The following SV2B variants were observed in gnomAD, a reference collection of about 807,000 sequenced individuals.
The protein encoded by SV2B is synaptic vesicle glycoprotein 2B, also known as solute carrier family 22 member B2.
A neutral mutation model predicts 73.9 loss-of-function variants in SV2B; 41 were observed. The observed-to-expected ratio is 0.56, with a 90% CI of 0.43 to 0.72. The LOEUF is 0.72. SV2B is among the 30% of genes least tolerant of loss of function. The pLI is 0.00. For synonymous variants in SV2B, 314 were observed against 314.2 expected, an observed-to-expected ratio of 1.00 and a Z score of 0.01; for missense variants, 764 against 857.8, an observed-to-expected ratio of 0.89 and a Z score of 1.37.
In SV2B at chr15:91,227,508, A is replaced by G. The variant is rs1596628295; in HGVS notation, c.451+794A>G. ...CCTGAAAAATGTATCTACCCTCTAAATTTAGAGTCTATGAAATTAATTGTG... is the reference window on the plus strand; with the variant it reads ...CCTGAAAAATGTATCTACCCTCTAAGTTTAGAGTCTATGAAATTAATTGTG... On this transcript the variant is annotated intron_variant, in intron 2 of 12. Coordinates refer to ENST00000394232, the MANE Select transcript of SV2B (RefSeq NM_001323032.3). The surrounding 1 kb of genome is among the most constrained non-coding windows in gnomAD (Gnocchi z 4.5). Among the ~76,000 whole-genome samples the G allele has an allele frequency of 6.6e-6, 1 of 152,196 alleles. No homozygotes were observed. The highest frequency in any genetic ancestry group is 6.5e-5 in the Admixed American group (1 of 15,292).
At chr15:91,154,995 C>A (rs181947607) in intron 1 of SV2B, among the ~76,000 whole-genome samples, 1 of 152,194 alleles carries the variant, frequency 6.6e-6, no homozygotes, top group Admixed American at 6.5e-5. Context: ...GAGGTCTCTG[C>A]CTTTCTGTGC....
Position 91,234,285 on chromosome 15 carries a change from G to T in SV2B, c.451+7571G>T, listed in dbSNP as rs760447872. On this transcript the variant is annotated intron_variant, in intron 2 of 12. Transcript: ENST00000394232. The surrounding 1 kb of genome is among the most constrained non-coding windows in gnomAD (Gnocchi z 5.6). ...TTTACCATGACTATGTGAGTTTTTT[G>T]AGGGGATCCTCAGTGTTCTTAAAGA... 9.2e-5 allele frequency among the ~76,000 whole-genome samples: 14 copies of T among 152,200 alleles called. No individual in the cohort carries two copies. The highest frequency in any genetic ancestry group is 1.7e-4 in the African/African-American group (7 of 41,458).
At position 91,289,630 on chromosome 15, in the gene SV2B, C is replaced by A; in HGVS notation, c.1818C>A (p.Ala606=). 6.2e-7 allele frequency: 1 copy of A among 1,614,118 alleles called. No homozygotes were observed. The highest frequency in any genetic ancestry group is 1.1e-5 in the South Asian group (1 of 91,080). ...TGTTCTGTGGGACAAGCATTGCAGC[C>A]TGGAATGCTCTGGATGTGATCACAG... ...QCLFCGTSIA[A]WNALDVITVE... The change falls in exon 12 of 13, where the codon GCC becomes GCA. Residue 606 remains alanine (A), a synonymous_variant. Transcript: ENST00000394232. This position sits in a 1 kb window ranked among gnomAD's most constrained non-coding sequence, Gnocchi z 4.9.
chr15:91,110,997 G>T lies in SV2B; in HGVS notation c.-392+10634G>T, dbSNP rs1317313204. 4.6e-5 allele frequency among the ~76,000 whole-genome samples: 7 copies of T among 152,162 alleles called. No individual in the cohort carries two copies. The highest frequency in any genetic ancestry group is 1.7e-4 in the African/African-American group (7 of 41,440). On this transcript the variant is annotated intron_variant, in intron 1 of 12. Transcript: ENST00000394232. The surrounding 1 kb of genome is among the most constrained non-coding windows in gnomAD (Gnocchi z 5.4). ...GATGAGAAAGGGTATATGAAAACAC[G>T]GTGGGGTGCTGAGCCAGCTTCTCCT... is the stretch of plus-strand genomic sequence containing the variant.
intron 6 of SV2B, among the ~76,000 whole-genome samples, chr15:91,263,355 C>A (rs1390669858): frequency 6.6e-6 from 1 of 151,870 alleles, no homozygotes; most frequent in Non-Finnish European, 1.5e-5. Context: ...TGAAGACAGA[C>A]ACACAGACAC....
chr15:91,165,279 C>T (rs756287906), intron 1 of SV2B, among the ~76,000 whole-genome samples: 5 of 152,018 alleles, frequency 3.3e-5, no homozygotes, highest in Admixed American at 6.6e-5. Flanking sequence ...TGCAGTGAGC[C>T]GAGATCGCAT....
chr15:91,131,169 A>G (rs1377120912), intron 1 of SV2B, among the ~76,000 whole-genome samples: 1 of 92,346 alleles, frequency 1.1e-5, no homozygotes, highest in African/African-American at 4.2e-5. Context: ...TTTTTTTTTT[A>G]AATAGAGACA....
At chr15:91,161,916 C>T (rs376698983) in intron 1 of SV2B, among the ~76,000 whole-genome samples, 2 of 152,324 alleles carry the variant, frequency 1.3e-5, no homozygotes, top group South Asian at 4.1e-4. Context: ...TGAATCTTTT[C>T]ATTATGCAGA....
chr15:91,205,946 T>C (rs1758640673), intron 1 of SV2B, among the ~76,000 whole-genome samples: 1 of 152,216 alleles, frequency 6.6e-6, no homozygotes, highest in African/African-American at 2.4e-5. Flanking sequence ...ACTTTTCCCC[T>C]TGGCATGATA....
intron 1 of SV2B, among the ~76,000 whole-genome samples, chr15:91,116,495 C>T (rs980466629): frequency 6.6e-6 from 1 of 152,114 alleles, no homozygotes; most frequent in Admixed American, 6.5e-5. Context: ...CTCTGCATCC[C>T]GTGCAGAACG....
At position 91,301,372 on chromosome 15, in the gene SV2B, T is replaced by C. The variant is rs2049439137; in HGVS notation, c.*8820T>C. On this transcript the variant is annotated 3_prime_UTR_variant, in exon 13 of 13. Transcript: ENST00000394232. This position sits in a 1 kb window ranked among gnomAD's most constrained non-coding sequence, Gnocchi z 4.3. ...ATCTCTCCCTTCAGATGTTTTTCCATCTGACTGTCACTGGATAGTGGAATT... is the reference window on the plus strand; with the variant it reads ...ATCTCTCCCTTCAGATGTTTTTCCACCTGACTGTCACTGGATAGTGGAATT... 6.6e-6 allele frequency: 1 copy of C among 151,326 alleles called. No individual in the cohort carries two copies. Among genetic ancestry groups the C allele is most frequent in the Admixed American group, 6.5e-5 (1 of 15,274 alleles). 9.4% of individuals were successfully genotyped at this position (151,326 alleles called of 1,614,324 possible).
chr15:91,104,605 T>C lies in SV2B; in HGVS notation c.-392+4242T>C, dbSNP rs1567253884. Among the ~76,000 whole-genome samples, 2 of 152,198 alleles carry C rather than the reference T, an allele frequency of 1.3e-5. 1 individual carries two copies. Among genetic ancestry groups the C allele is most frequent in the Non-Finnish European group, 2.9e-5 (2 of 68,044 alleles). On this transcript the variant is annotated intron_variant, in intron 1 of 12. Coordinates refer to ENST00000394232, the MANE Select transcript of SV2B (RefSeq NM_001323032.3). ...ATTGAGACATTTTGCAATCAATCAA[T>C]CAATCAATCTACCATAGGGACCTGA...
chr15:91,190,985 G>T (rs1330668132), intron 1 of SV2B, among the ~76,000 whole-genome samples: 1 of 144,746 alleles, frequency 6.9e-6, no homozygotes, highest in East Asian at 2.1e-4. Flanking sequence ...TCATACCTCT[G>T]TCCTTATGAT....
At chr15:91,131,156 T>TTTTTG (rs1555469589) in intron 1 of SV2B, among the ~76,000 whole-genome samples, 5 of 148,754 alleles carry the variant, frequency 3.4e-5, no homozygotes, top group African/African-American at 1.2e-4. Context: ...TGTTTTTTTT[T>TTTTTG]TTTTTTTTTT....
intron 12 of SV2B, among the ~76,000 whole-genome samples, chr15:91,291,821 A>G (rs1331712373): frequency 1.3e-5 from 2 of 152,236 alleles, no homozygotes; most frequent in Admixed American, 6.5e-5. Flanking sequence ...AACGTCTCTT[A>G]CGGAAGCTTC....
intron 4 of SV2B, among the ~76,000 whole-genome samples, chr15:91,255,168 A>C (rs929206941): frequency 2.0e-5 from 3 of 152,108 alleles, no homozygotes; most frequent in African/African-American, 7.2e-5. Flanking sequence ...TTACACAGAC[A>C]CACACACTAT....
chr15:91,294,818 C>G lies in SV2B; in HGVS notation c.*2266C>G, dbSNP rs975115585. On this transcript the variant is annotated 3_prime_UTR_variant, in exon 13 of 13. Coordinates refer to ENST00000394232, the MANE Select transcript of SV2B (RefSeq NM_001323032.3). This position sits in a 1 kb window ranked among gnomAD's most constrained non-coding sequence, Gnocchi z 4.1. ...CCATTTGGTTTCCAAGATCTCACTT[C>G]TGCATTATCTTTATGGCTCTTTAAA... The G allele has an allele frequency of 6.6e-6, 1 of 152,330 alleles. No individual in the cohort carries two copies. The highest frequency in any genetic ancestry group is 1.9e-4 in the East Asian group (1 of 5,196). 9.4% of individuals were successfully genotyped at this position (152,330 alleles called of 1,614,324 possible).
At position 91,130,225 on chromosome 15, in the gene SV2B, G is replaced by A. The variant is rs935168765; in HGVS notation, c.-392+29862G>A. Among the ~76,000 whole-genome samples, 3 of 152,304 alleles carry A rather than the reference G, an allele frequency of 2.0e-5. No homozygotes were observed. Among genetic ancestry groups the A allele is most frequent in the Middle Eastern group, 3.4e-3 (1 of 294 alleles). On this transcript the variant is annotated intron_variant, in intron 1 of 12. Coordinates refer to ENST00000394232, the MANE Select transcript of SV2B (RefSeq NM_001323032.3). This position sits in a 1 kb window ranked among gnomAD's most constrained non-coding sequence, Gnocchi z 5.6. ...GGAGAGTGAGAGGAGTGACACAGCTGAGGTTCTTAGGTTAGGGCAACTGGG... is the reference window on the plus strand; with the variant it reads ...GGAGAGTGAGAGGAGTGACACAGCTAAGGTTCTTAGGTTAGGGCAACTGGG...
chr15:91,206,491 T>C (rs550998522), intron 1 of SV2B, among the ~76,000 whole-genome samples: 2 of 152,194 alleles, frequency 1.3e-5, no homozygotes, highest in Non-Finnish European at 2.9e-5. Flanking sequence ...TATTTTGAAT[T>C]TCAGTTCAGT....
Sources: gnomAD v4.1 joint callset for allele counts (sites outside exome capture counted in the v4.1 genomes callset) on GRCh38, gnomAD v4.1.1 for gene constraint, Gnocchi (gnomAD v3.1) non-coding constraint, MANE v1.5 for transcripts, NCBI Gene and HGNC (gene_info 2026-07-23, HGNC 2026-07-21) for gene names.